The following WFDC8 variants were observed in gnomAD, a reference collection of about 807,000 sequenced individuals.
The protein encoded by WFDC8 is WAP four-disulfide core domain protein 8.
In WFDC8, 24 loss-of-function variants were observed where a neutral mutation model predicts 27.0. That is an observed-to-expected ratio of 0.89 (90% CI 0.64 to 1.25). The LOEUF (loss-of-function observed/expected upper bound fraction) is 1.25. Among genes scored for constraint, WFDC8 ranks in the 50% most tolerant of loss-of-function variants. WFDC8 has a pLI of 0.00. For synonymous variants in WFDC8, 106 were observed against 99.7 expected (o/e 1.06, Z -0.38); for missense variants, 287 against 295.9 (o/e 0.97, Z 0.22).
chr20:45,572,647 C>T (rs745358064), intron 1 of WFDC8, among the ~76,000 whole-genome samples: 1 of 152,162 alleles, frequency 6.6e-6, no homozygotes, highest in African/African-American at 2.4e-5. Flanking sequence ...TGCTCTGTCA[C>T]CCAGGCTGGA....
chr20:45,573,225 T>C (rs781204355), intron 1 of WFDC8, among the ~76,000 whole-genome samples: 14 of 152,242 alleles, frequency 9.2e-5, no homozygotes, highest in Non-Finnish European at 1.9e-4. Flanking sequence ...CCCTATGTTT[T>C]CTTCTCAGAG....
intron 2 of WFDC8, among the ~76,000 whole-genome samples, chr20:45,560,933 A>G (rs1473775698): frequency 6.6e-6 from 1 of 152,198 alleles, no homozygotes; most frequent in Non-Finnish European, 1.5e-5. Flanking sequence ...TCCACTTTTT[A>G]AAAAGAACCC....
Position 45,553,952 on chromosome 20 carries a change from G to A in WFDC8, c.446-676C>T, listed in dbSNP as rs574765415. Among the ~76,000 whole-genome samples, 11 of 152,220 alleles carry A rather than the reference G, an allele frequency of 7.2e-5. No individual in the cohort carries two copies. The East Asian group carries it at 1.4e-3, about 19-fold the overall frequency. The stretch of plus-strand genomic sequence containing the variant: ...AGAAGCATGGATAGAACCGGTTTGC[G>A]TTAGGGGAGTGATGGTAAGAGGTAC... On this transcript the variant is annotated intron_variant, in intron 4 of 5. Transcript: ENST00000289953.
chr20:45,577,508 C>T (rs1282976371), intron 1 of WFDC8, among the ~76,000 whole-genome samples: 2 of 149,888 alleles, frequency 1.3e-5, no homozygotes, highest in African/African-American at 4.9e-5. Context: ...AAGTGATTCT[C>T]CTGCCTCAGA....
chr20:45,558,025 C>A (rs1385003978), intron 3 of WFDC8, among the ~76,000 whole-genome samples: 3 of 152,132 alleles, frequency 2.0e-5, no homozygotes, highest in Admixed American at 6.6e-5. Flanking sequence ...TGCAAAATAC[C>A]AAACACCCGC....
chr20:45,568,567 A>G (rs142642718), intron 1 of WFDC8: 161 of 487,606 alleles, frequency 3.3e-4, no homozygotes, highest in African/African-American at 2.9e-3. Context: ...GCCCAACACT[A>G]TCTCCAGTCA....
chr20:45,561,937 G>T (rs780829416), intron 2 of WFDC8, among the ~76,000 whole-genome samples, 173 bp downstream of exon 2: 12 of 152,094 alleles, frequency 7.9e-5, no homozygotes, highest in Non-Finnish European at 1.2e-4. Flanking sequence ...AATTTGGGGG[G>T]AGCAAGTAAG....
At position 45,552,145 on chromosome 20, in the gene WFDC8, G is replaced by A. The variant is rs371165838; in HGVS notation, c.607C>T (p.Arg203Cys). The A allele has an allele frequency of 4.9e-5, 79 of 1,614,002 alleles. No individual in the cohort carries two copies. The highest frequency in any genetic ancestry group is 4.7e-4 in the East Asian group (21 of 44,886). Residue 203 changes from arginine to cysteine, a missense_variant, in exon 6 of 6, where the codon CGC (arginine) becomes TGC (cysteine). By Grantham distance (180) the Arg-to-Cys change is radical. Coordinates refer to ENST00000289953, the MANE Select transcript of WFDC8 (RefSeq NM_130896.3). Reference sequence around the variant, plus strand: ...ATCTTGGTACATAGCAAGGGCTTGCGTGGGCAGAAACCTTTTTTGACTTTA... The same window carrying A: ...ATCTTGGTACATAGCAAGGGCTTGCATGGGCAGAAACCTTTTTTGACTTTA... ...AWTVKKGFCP[R>C]KPLLCTKIDK...
chr20:45,568,269 T>A, intron 1 of WFDC8: 1 of 234,480 alleles, frequency 4.3e-6, no homozygotes. Flanking sequence ...TAGTGATGTT[T>A]CATAGCCTAA....
Position 45,575,825 on chromosome 20 carries a change from C to T in WFDC8, c.26+3397G>A, listed in dbSNP as rs978472004. Among the ~76,000 whole-genome samples the T allele has an allele frequency of 1.3e-5, 2 of 151,302 alleles. 1 individual carries two copies. Among genetic ancestry groups the T allele is most frequent in the South Asian group, 4.2e-4 (2 of 4,758 alleles). ...TTAGGCGCTTGCCCAGCCCCAGGCC[C>T]TGTTTCCATGGCTGAGAGCTCCTAG... is the stretch of plus-strand genomic sequence containing the variant. On this transcript the variant is annotated intron_variant, in intron 1 of 5. Transcript: ENST00000289953.
intron 1 of WFDC8, among the ~76,000 whole-genome samples, chr20:45,571,676 TCTA>T (rs1241269360): frequency 2.6e-5 from 4 of 152,202 alleles, no homozygotes; most frequent in Non-Finnish European, 5.9e-5. Context: ...CCATCTACTC[TCTA>T]CTTCTACAAG....
intron 1 of WFDC8, among the ~76,000 whole-genome samples, chr20:45,564,769 G>A (rs1980593522): frequency 6.6e-6 from 1 of 151,732 alleles, no homozygotes; most frequent in Non-Finnish European, 1.5e-5. Flanking sequence ...TTGAGCCCAG[G>A]AAGTCAGTGT....
At chr20:45,570,604 G>T (rs6032336) in intron 1 of WFDC8, among the ~76,000 whole-genome samples, 1 of 152,228 alleles carries the variant, frequency 6.6e-6, no homozygotes, top group Non-Finnish European at 1.5e-5. Flanking sequence ...AATTATGAAT[G>T]AAGCCCATAC....
chr20:45,561,739 CGTGTGTGTGTGTGTGTGTGT>C (rs10534885), intron 2 of WFDC8, among the ~76,000 whole-genome samples: 1 of 147,744 alleles, frequency 6.8e-6, no homozygotes, highest in African/African-American at 2.5e-5. Context: ...ATTAAACTTG[CGTGTGTGTGTGTGTGTGTGT>C]GTGTGTGTGT....
intron 1 of WFDC8, among the ~76,000 whole-genome samples, chr20:45,562,854 A>AT (rs755382454): frequency 6.6e-6 from 1 of 151,954 alleles, no homozygotes; most frequent in Non-Finnish European, 1.5e-5. Flanking sequence ...ATCCTTATGT[A>AT]TTTTTTATTT....
chr20:45,568,141 C>A, intron 1 of WFDC8: 1 of 355,536 alleles, frequency 2.8e-6, no homozygotes, highest in South Asian at 3.1e-5. Flanking sequence ...TCCATTTCCA[C>A]TACCCAATTT....
chr20:45,566,331 T>C, intron 1 of WFDC8, among the ~76,000 whole-genome samples: 1 of 152,304 alleles, frequency 6.6e-6, no homozygotes, highest in Admixed American at 6.5e-5. Flanking sequence ...AATTTTTAAA[T>C]GCTTAATATT....
At chr20:45,565,212 C>T (rs1274855060) in intron 1 of WFDC8, among the ~76,000 whole-genome samples, 1 of 152,060 alleles carries the variant, frequency 6.6e-6, no homozygotes, top group Non-Finnish European at 1.5e-5. Flanking sequence ...CACGCTTCAC[C>T]ATCAAATCAC....
At chr20:45,558,519 A>G (rs1332900329) in intron 3 of WFDC8, among the ~76,000 whole-genome samples, 2 of 152,250 alleles carry the variant, frequency 1.3e-5, no homozygotes, top group Admixed American at 6.5e-5. Context: ...TGAAGATCAA[A>G]GAGTCTGAAA....
Sources: gnomAD v4.1 joint callset for allele counts (sites outside exome capture counted in the v4.1 genomes callset) on GRCh38, gnomAD v4.1.1 for gene constraint, MANE v1.5 for transcripts, NCBI Gene and HGNC (gene_info 2026-07-23, HGNC 2026-07-21) for gene names.